Variants in PHACTR3 observed in about 807,000 individuals in gnomAD.
PHACTR3 encodes the protein protein phosphatase 1, regulatory subunit 123.
A neutral mutation model predicts 66.8 loss-of-function variants in PHACTR3; 16 were observed. That is an observed-to-expected ratio of 0.24 (90% CI 0.16 to 0.36). The LOEUF (loss-of-function observed/expected upper bound fraction) is 0.36. Among genes scored for constraint, PHACTR3 ranks in the 10% least tolerant of loss-of-function variants. PHACTR3 has a pLI of 1.00. For missense variants in PHACTR3, 647 were observed against 719.9 expected (o/e 0.90, Z 1.16); for synonymous variants, 323 against 292.1 (o/e 1.11, Z -1.08).
intron 1 of PHACTR3, among the ~76,000 whole-genome samples, chr20:59,646,489 A>T (rs1159380573): frequency 6.6e-6 from 1 of 152,102 alleles, no homozygotes; most frequent in East Asian, 1.9e-4. Flanking sequence ...TTACCATGTG[A>T]TCTACTGAAA....
At chr20:59,774,011 G>T (rs2040444563) in intron 6 of PHACTR3, among the ~76,000 whole-genome samples, 1 of 152,166 alleles carries the variant, frequency 6.6e-6, no homozygotes, top group African/African-American at 2.4e-5. Context: ...ATGTATTTTG[G>T]CAGGTTTTAT....
intron 7 of PHACTR3, among the ~76,000 whole-genome samples, chr20:59,791,201 C>G (rs1476371215): frequency 6.6e-6 from 1 of 152,106 alleles, no homozygotes; most frequent in Non-Finnish European, 1.5e-5. Context: ...GGGATTAATG[C>G]TGGTATAAAA....
At chr20:59,745,035 G>T (rs1311409812) in intron 2 of PHACTR3, among the ~76,000 whole-genome samples, 4 of 152,216 alleles carry the variant, frequency 2.6e-5, no homozygotes, top group African/African-American at 4.8e-5. Flanking sequence ...AGGCTTAATG[G>T]CAGGATCACG....
intron 1 of PHACTR3, among the ~76,000 whole-genome samples, chr20:59,620,330 A>G (rs1256160131): frequency 6.6e-6 from 1 of 152,206 alleles, no homozygotes; most frequent in Non-Finnish European, 1.5e-5. Context: ...CTTTGGTACA[A>G]TACAATTAAC....
At chr20:59,641,054 A>G (rs1030760007) in intron 1 of PHACTR3, among the ~76,000 whole-genome samples, 3 of 152,136 alleles carry the variant, frequency 2.0e-5, no homozygotes, top group African/African-American at 4.8e-5. Flanking sequence ...ATATATATAC[A>G]TATTATATTT....
intron 1 of PHACTR3, among the ~76,000 whole-genome samples, chr20:59,714,260 T>G (rs1028289857): frequency 6.6e-6 from 1 of 152,350 alleles, no homozygotes; most frequent in Admixed American, 6.5e-5. Flanking sequence ...TTGTATCTTA[T>G]GTAAGGAGTA....
intron 1 of PHACTR3, among the ~76,000 whole-genome samples, chr20:59,623,118 G>A (rs2034319514): frequency 6.6e-6 from 1 of 151,620 alleles, no homozygotes; most frequent in African/African-American, 2.4e-5. Context: ...GTTTTTTTGT[G>A]GGAGGCAGGA....
At chr20:59,593,119 TG>T (rs1472981931) in intron 1 of PHACTR3, among the ~76,000 whole-genome samples, 1 of 152,218 alleles carries the variant, frequency 6.6e-6, no homozygotes, top group Non-Finnish European at 1.5e-5. Context: ...TCAGCAGCAG[TG>T]AATGTGAATG....
intron 1 of PHACTR3, among the ~76,000 whole-genome samples, chr20:59,599,367 G>A (rs552759023): frequency 5.9e-5 from 9 of 152,324 alleles, no homozygotes; most frequent in African/African-American, 1.9e-4. Flanking sequence ...GCTCCCCAGG[G>A]AACTTCAAGG....
chr20:59,833,744 G>A (rs942329745), intron 8 of PHACTR3, among the ~76,000 whole-genome samples: 1 of 152,104 alleles, frequency 6.6e-6, no homozygotes, highest in Non-Finnish European at 1.5e-5. Context: ...CCAGCATCGC[G>A]GACAGTGAAA....
chr20:59,641,336 G>T (rs2035096848), intron 1 of PHACTR3, among the ~76,000 whole-genome samples: 1 of 152,048 alleles, frequency 6.6e-6, no homozygotes, highest in South Asian at 2.1e-4. Flanking sequence ...ATGTGTTGTG[G>T]AGTCTAAAAA....
intron 1 of PHACTR3, among the ~76,000 whole-genome samples, chr20:59,655,063 T>C (rs191079946): frequency 3.1e-3 from 468 of 152,202 alleles, no homozygotes; most frequent in African/African-American, 0.01. Context: ...TTTGCGGATC[T>C]ATGTTTTTAT....
At chr20:59,766,831 A>C (rs144260611) in intron 4 of PHACTR3, among the ~76,000 whole-genome samples, 2 of 152,332 alleles carry the variant, frequency 1.3e-5, no homozygotes, top group East Asian at 3.9e-4. Context: ...TTAGTAACTT[A>C]AGGTCCAAGA....
intron 1 of PHACTR3, among the ~76,000 whole-genome samples, chr20:59,715,740 C>T (rs897221839): frequency 3.0e-4 from 45 of 152,212 alleles, no homozygotes; most frequent in East Asian, 2.1e-3. Context: ...CCCATACATC[C>T]TTCATCAGAT....
At position 59,773,299 on chromosome 20, in the gene PHACTR3, G is replaced by A. The variant is rs766146546; in HGVS notation, c.772G>A (p.Ala258Thr). Residue 258 changes from alanine (A) to threonine (T), a missense_variant, in exon 6 of 13, where the codon GCC (alanine) becomes ACC (threonine). Physicochemically the swap from Ala to Thr is moderately conservative, Grantham distance 58 (BLOSUM62 0). Transcript: ENST00000371015. ...CCCAGGCCAAGCCACACTCTTCCAA[G>A]CCTCCAGCATGAAGAGTGCCGACCC... ...NVTGQATLFQ[A>T]SSMKSADPSL... is the part of the protein sequence containing the mutation. 34 of 1,613,850 alleles carry A rather than the reference G, an allele frequency of 2.1e-5. No homozygotes were observed. Among genetic ancestry groups the A allele is most frequent in the Non-Finnish European group, 2.5e-5 (30 of 1,179,930 alleles).
intron 8 of PHACTR3, among the ~76,000 whole-genome samples, chr20:59,808,315 TCATGC>T (rs2041629133): frequency 6.6e-6 from 1 of 152,204 alleles, no homozygotes; most frequent in African/African-American, 2.4e-5. Flanking sequence ...CAGAGGAAAG[TCATGC>T]CATTCTGGCA....
intron 4 of PHACTR3, among the ~76,000 whole-genome samples, chr20:59,764,091 C>T (rs748082112): frequency 1.9e-4 from 29 of 151,898 alleles, no homozygotes; most frequent in African/African-American, 4.1e-4. Context: ...GCAGGCCAAG[C>T]GGGACAACCT....
intron 1 of PHACTR3, among the ~76,000 whole-genome samples, chr20:59,732,985 G>A (rs1305506286): frequency 6.6e-6 from 1 of 151,918 alleles, no homozygotes. Context: ...GAACTTGCAG[G>A]GCTGTAGAAA....
intron 7 of PHACTR3, among the ~76,000 whole-genome samples, chr20:59,790,887 A>G (rs1470117752): frequency 3.3e-5 from 5 of 152,190 alleles, no homozygotes; most frequent in Non-Finnish European, 7.3e-5. Context: ...CAACGAGCAT[A>G]CATTATTTTT....
Sources: gnomAD v4.1 joint callset for allele counts (sites outside exome capture counted in the v4.1 genomes callset) on GRCh38, gnomAD v4.1.1 for gene constraint, MANE v1.5 for transcripts, NCBI Gene and HGNC (gene_info 2026-07-23, HGNC 2026-07-21) for gene names.